The following DOCK3 variants were observed in gnomAD, a reference collection of about 807,000 sequenced individuals.
DOCK3 encodes dedicator of cytokinesis protein 3.
DOCK3 carries 60 observed loss-of-function variants against 265.6 expected under a neutral mutation model. The observed-to-expected ratio is 0.23, with a 90% confidence interval of 0.18 to 0.28. The LOEUF (loss-of-function observed/expected upper bound fraction) is 0.28, where lower values mean the gene tolerates loss of function less well. DOCK3 is among the 10% of genes least tolerant of loss of function. The probability of loss-of-function intolerance (pLI) is 1.00; values close to 1 mark genes in which losing one functional copy is unlikely to be tolerated. For synonymous variants in DOCK3, 881 were observed against 938.0 expected (o/e 0.94, Z 1.11); for missense variants, 1,981 against 2,594.3 (o/e 0.76, Z 5.14).
chr3:51,006,975 A>T (rs1178790296), intron 5 of DOCK3, among the ~76,000 whole-genome samples: 7 of 152,222 alleles, frequency 4.6e-5, no homozygotes, highest in African/African-American at 9.6e-5. Context: ...ATGGCTGTGT[A>T]GTATTCCATG....
intron 2 of DOCK3, chr3:50,786,543 G>A (rs1204693841): frequency 6.6e-6 from 3 of 457,676 alleles, no homozygotes; most frequent in East Asian, 5.0e-5. Context: ...TGGAGAACAC[G>A]CTTAAGGAGA....
intron 27 of DOCK3, among the ~76,000 whole-genome samples, chr3:51,301,299 T>C (rs2082347434): frequency 6.6e-6 from 1 of 152,258 alleles, no homozygotes; most frequent in South Asian, 2.1e-4. Context: ...TCTTTTCTTC[T>C]TTATTAATCT....
intron 8 of DOCK3, 63 bp downstream of exon 8, chr3:51,089,347 C>T: frequency 2.0e-6 from 3 of 1,532,426 alleles, no homozygotes; most frequent in Admixed American, 1.9e-5. Context: ...GAGATTACAA[C>T]ATATGAATAC....
At chr3:51,258,726 G>C (rs2079687116) in intron 22 of DOCK3, among the ~76,000 whole-genome samples, 1 of 152,104 alleles carries the variant, frequency 6.6e-6, no homozygotes, top group Non-Finnish European at 1.5e-5. Flanking sequence ...CAGGGTGTCA[G>C]TTCTGACCTT....
chr3:51,207,336 A>G (rs1217248523), intron 12 of DOCK3, among the ~76,000 whole-genome samples: 2 of 152,146 alleles, frequency 1.3e-5, no homozygotes, highest in South Asian at 2.1e-4. Context: ...ACCAGTGAGT[A>G]TTTTATGGGA....
At chr3:50,721,289 C>G (rs2037461920) in intron 1 of DOCK3, among the ~76,000 whole-genome samples, 1 of 152,024 alleles carries the variant, frequency 6.6e-6, no homozygotes. Flanking sequence ...AATGGCATTT[C>G]CTAGGTTTTC....
At chr3:51,279,861 C>T (rs2081017095) in intron 26 of DOCK3, among the ~76,000 whole-genome samples, 1 of 152,208 alleles carries the variant, frequency 6.6e-6, no homozygotes, top group Non-Finnish European at 1.5e-5. Context: ...TCTCACTTTG[C>T]AGTACTACTT....
At chr3:50,885,738 G>A (rs542879258) in intron 3 of DOCK3, among the ~76,000 whole-genome samples, 2 of 152,166 alleles carry the variant, frequency 1.3e-5, no homozygotes, top group Admixed American at 6.5e-5. Context: ...GGAGTAGAAG[G>A]TTTTGGGGTC....
intron 21 of DOCK3, among the ~76,000 whole-genome samples, chr3:51,239,139 A>T (rs1162255676): frequency 6.6e-6 from 1 of 152,122 alleles, no homozygotes; most frequent in Non-Finnish European, 1.5e-5. Flanking sequence ...TTGACATTTT[A>T]ATCATAGCCA....
chr3:51,115,230 C>T (rs2083682913), intron 9 of DOCK3, among the ~76,000 whole-genome samples: 1 of 152,092 alleles, frequency 6.6e-6, no homozygotes, highest in East Asian at 1.9e-4. Flanking sequence ...ACTGTTTTTC[C>T]CAATGGTTGA....
At position 50,995,050 on chromosome 3, in the gene DOCK3, T is replaced by G. The variant is rs1377498096; in HGVS notation, c.315+60973T>G. 5.9e-5 allele frequency among the ~76,000 whole-genome samples: 9 copies of G among 152,226 alleles called. No individual in the cohort carries two copies. The East Asian group carries it at 1.7e-3, about 29-fold the overall frequency. ...GGAGATAAATAACTCGATATTTATCTCAATATTCATATTTCCAAATGAAAA... is the reference window on the plus strand; with the variant it reads ...GGAGATAAATAACTCGATATTTATCGCAATATTCATATTTCCAAATGAAAA... On this transcript the variant is annotated intron_variant, in intron 5 of 52. Transcript: ENST00000266037.
At chr3:51,198,471 T>A (rs1403247817) in intron 12 of DOCK3, among the ~76,000 whole-genome samples, 1 of 149,988 alleles carries the variant, frequency 6.7e-6, no homozygotes, top group Non-Finnish European at 1.5e-5. Context: ...AGTCAAAGAG[T>A]GACAGAGACT....
intron 5 of DOCK3, among the ~76,000 whole-genome samples, chr3:50,950,427 A>G (rs1301803014): frequency 1.3e-5 from 2 of 152,212 alleles, no homozygotes; most frequent in Non-Finnish European, 2.9e-5. Context: ...TGGTTTTACC[A>G]ACTGCCTGAA....
chr3:50,764,624 T>C (rs958332045), intron 1 of DOCK3, among the ~76,000 whole-genome samples: 1 of 152,092 alleles, frequency 6.6e-6, no homozygotes, highest in African/African-American at 2.4e-5. Flanking sequence ...TGTGAAAAAA[T>C]TGAATTTCAT....
At chr3:50,806,428 G>A (rs1001567042) in intron 2 of DOCK3, among the ~76,000 whole-genome samples, 2 of 151,852 alleles carry the variant, frequency 1.3e-5, no homozygotes, top group Non-Finnish European at 2.9e-5. Flanking sequence ...GGGCATGTCT[G>A]TGTTGGGTGG....
intron 3 of DOCK3, among the ~76,000 whole-genome samples, chr3:50,889,513 T>G (rs2048540334): frequency 6.6e-6 from 1 of 151,856 alleles, no homozygotes; most frequent in Admixed American, 6.6e-5. Flanking sequence ...GAAATCAAAT[T>G]ATGGTAAACA....
At chr3:50,974,501 C>A (rs2077364353) in intron 5 of DOCK3, among the ~76,000 whole-genome samples, 1 of 151,860 alleles carries the variant, frequency 6.6e-6, no homozygotes, top group Non-Finnish European at 1.5e-5. Flanking sequence ...TGATCTATAT[C>A]TCTGTTTTGG....
At chr3:51,204,787 C>G (rs2089068930) in intron 12 of DOCK3, among the ~76,000 whole-genome samples, 1 of 151,712 alleles carries the variant, frequency 6.6e-6, no homozygotes, top group African/African-American at 2.4e-5. Flanking sequence ...CAATGATAGA[C>G]TGGATTAAGA....
intron 12 of DOCK3, among the ~76,000 whole-genome samples, chr3:51,190,062 C>T (rs1020114851): frequency 6.6e-6 from 1 of 152,146 alleles, no homozygotes; most frequent in African/African-American, 2.4e-5. Context: ...AGACTTTCCC[C>T]ACTAAGCCCA....
Sources: allele counts gnomAD v4.1 joint callset (sites outside exome capture counted in the v4.1 genomes callset), GRCh38; gene constraint gnomAD v4.1.1; transcripts MANE v1.5; gene names NCBI Gene and HGNC (gene_info 2026-07-23, HGNC 2026-07-21).